Variants in CMSS1 observed in about 807,000 individuals in gnomAD.
The protein encoded by CMSS1 is cms1 ribosomal small subunit homolog.
CMSS1 carries 33 observed loss-of-function variants against 43.5 expected under a neutral mutation model. The observed-to-expected ratio is 0.76, with a 90% CI of 0.57 to 1.01. The LOEUF is 1.01. Ranked by LOEUF, CMSS1 falls within the 50% of genes least tolerant of loss-of-function variation. The pLI is 0.00. For missense variants in CMSS1, 313 were observed against 326.4 expected, an observed-to-expected ratio of 0.96 and a Z score of 0.32; for synonymous variants, 115 against 117.2, an observed-to-expected ratio of 0.98 and a Z score of 0.12.
intron 1 of CMSS1, among the ~76,000 whole-genome samples, chr3:100,085,002 C>A (rs776300332): frequency 3.9e-5 from 6 of 152,178 alleles, no homozygotes; most frequent in Non-Finnish European, 5.9e-5. Flanking sequence ...ATTTTTCTGT[C>A]ATTTGTTGAA....
At chr3:99,881,522 C>T (rs1277556376) in intron 1 of CMSS1, among the ~76,000 whole-genome samples, 1 of 151,738 alleles carries the variant, frequency 6.6e-6, no homozygotes, top group Non-Finnish European at 1.5e-5. Context: ...TAATTTGTAG[C>T]CCATCTCTCT....
chr3:100,051,726 G>A (rs1184526390), intron 1 of CMSS1, among the ~76,000 whole-genome samples: 1 of 151,694 alleles, frequency 6.6e-6, no homozygotes, highest in Non-Finnish European at 1.5e-5. Context: ...TGGTGTACAT[G>A]TGCCACATTT....
chr3:100,157,253 G>GT (rs2066984025), intron 2 of CMSS1, among the ~76,000 whole-genome samples: 1 of 150,942 alleles, frequency 6.6e-6, no homozygotes, highest in South Asian at 2.1e-4. Context: ...ATGCTTAACT[G>GT]TTTTTCCCAT....
intron 1 of CMSS1, among the ~76,000 whole-genome samples, chr3:100,048,714 G>T (rs1302839216): frequency 6.6e-6 from 1 of 152,090 alleles, no homozygotes; most frequent in Admixed American, 6.5e-5. Flanking sequence ...AGTCCAGGTG[G>T]GTTTTATGTT....
intron 1 of CMSS1, among the ~76,000 whole-genome samples, chr3:99,860,661 A>AT (rs528039034): frequency 1.1e-4 from 17 of 152,184 alleles, no homozygotes; most frequent in Non-Finnish European, 2.4e-4. Context: ...GACACTGTCC[A>AT]TGCTGCTATG....
intron 1 of CMSS1, among the ~76,000 whole-genome samples, chr3:99,986,489 A>G (rs1709345600): frequency 6.6e-6 from 1 of 152,208 alleles, no homozygotes; most frequent in Non-Finnish European, 1.5e-5. Flanking sequence ...CTGAAAGTTG[A>G]TAGTGAAAGA....
chr3:99,987,341 C>A (rs1252889146), intron 1 of CMSS1, among the ~76,000 whole-genome samples: 1 of 151,574 alleles, frequency 6.6e-6, no homozygotes, highest in East Asian at 1.9e-4. Context: ...CCAGCTTGGG[C>A]AAGATGGTGA....
intron 1 of CMSS1, among the ~76,000 whole-genome samples, chr3:99,886,878 G>A (rs574183345): frequency 6.6e-6 from 1 of 151,854 alleles, no homozygotes; most frequent in African/African-American, 2.4e-5. Context: ...GCTGAGGCAG[G>A]AGAATCGCTT....
At chr3:99,950,947 G>A (rs1172705565) in intron 1 of CMSS1, among the ~76,000 whole-genome samples, 1 of 152,170 alleles carries the variant, frequency 6.6e-6, no homozygotes, top group Non-Finnish European at 1.5e-5. Flanking sequence ...GGATTATTGG[G>A]TTTGACTCTG....
At chr3:99,886,684 T>C (rs1337481428) in intron 1 of CMSS1, among the ~76,000 whole-genome samples, 1 of 152,238 alleles carries the variant, frequency 6.6e-6, no homozygotes, top group Non-Finnish European at 1.5e-5. Context: ...GCCAGCGTGG[T>C]GGCTCATGCC....
chr3:99,833,036 C>T (rs1942748785), intron 1 of CMSS1: 1 of 577,920 alleles, frequency 1.7e-6, no homozygotes, highest in Non-Finnish European at 3.1e-6. Flanking sequence ...ATGCATATGG[C>T]TCTTTTAAGA....
intron 1 of CMSS1, among the ~76,000 whole-genome samples, chr3:99,840,221 C>T (rs1418313933): frequency 1.1e-4 from 11 of 102,124 alleles, no homozygotes; most frequent in South Asian, 3.6e-4. Flanking sequence ...TTCGTAGAAT[C>T]TTTTTTTTTT....
intron 1 of CMSS1, among the ~76,000 whole-genome samples, chr3:99,942,564 G>A (rs771414392): frequency 2.0e-5 from 3 of 152,204 alleles, no homozygotes; most frequent in Non-Finnish European, 4.4e-5. Context: ...AGTCGCCGTG[G>A]CTCACGCCTG....
chr3:100,052,219 A>G (rs2065385978), intron 1 of CMSS1, among the ~76,000 whole-genome samples: 1 of 152,250 alleles, frequency 6.6e-6, no homozygotes, highest in African/African-American at 2.4e-5. Flanking sequence ...TGACTATGGC[A>G]TATGTGGGCT....
At chr3:99,968,629 G>A (rs1464104348) in intron 1 of CMSS1, among the ~76,000 whole-genome samples, 5 of 152,112 alleles carry the variant, frequency 3.3e-5, no homozygotes, top group Admixed American at 3.3e-4. Flanking sequence ...AAATTACCAT[G>A]GGTGAAGCCT....
intron 1 of CMSS1, among the ~76,000 whole-genome samples, chr3:100,145,160 G>T (rs572284574): frequency 3.3e-5 from 5 of 152,026 alleles, no homozygotes; most frequent in Admixed American, 2.0e-4. Flanking sequence ...TACATATTAG[G>T]CTGGGTATGG....
intron 1 of CMSS1, among the ~76,000 whole-genome samples, chr3:99,976,015 G>T (rs917347728): frequency 1.3e-5 from 2 of 152,154 alleles, no homozygotes; most frequent in Non-Finnish European, 2.9e-5. Flanking sequence ...CTCCCAAGTA[G>T]CTGGGACTAC....
rs777118989 is a variant in CMSS1, at chr3:99,830,560, G to A, written c.64+12517G>A. Reference sequence around the variant, plus strand: ...ATCTTGGTGATGCCTGTAGATTTCGGTTTAGGGATCCGTGCTGGGATTCTC... The same window carrying A: ...ATCTTGGTGATGCCTGTAGATTTCGATTTAGGGATCCGTGCTGGGATTCTC... On this transcript the variant is annotated intron_variant, in intron 1 of 9. Coordinates refer to ENST00000421999, the MANE Select transcript of CMSS1 (RefSeq NM_032359.4). The A allele has an allele frequency of 5.7e-5, 26 of 456,564 alleles. 1 individual carries two copies. The highest frequency in any genetic ancestry group is 3.3e-4 in the South Asian group (21 of 64,570). The allele number at this position is 456,564 out of a possible 1,614,324, so 28.3% of individuals were successfully genotyped here.
intron 1 of CMSS1, among the ~76,000 whole-genome samples, chr3:100,144,996 T>C (rs2066836321): frequency 6.6e-6 from 1 of 152,180 alleles, no homozygotes; most frequent in African/African-American, 2.4e-5. Flanking sequence ...GGGAACAGTG[T>C]AACTACTACA....
Sources: allele counts gnomAD v4.1 joint callset (sites outside exome capture counted in the v4.1 genomes callset), GRCh38; gene constraint gnomAD v4.1.1; transcripts MANE v1.5; gene names NCBI Gene and HGNC (gene_info 2026-07-23, HGNC 2026-07-21).